Variants in DCAF5 observed in about 807,000 individuals in gnomAD.
The protein encoded by DCAF5 is DDB1- and CUL4-associated factor 5.
A neutral mutation model predicts 80.7 loss-of-function variants in DCAF5; 9 were observed. The ratio of observed to expected loss-of-function variants is 0.11; its 90% CI spans 0.07 to 0.19. DCAF5 has a LOEUF of 0.19. Ranked by LOEUF, DCAF5 falls within the 10% of genes least tolerant of loss-of-function variation. DCAF5 has a pLI of 1.00. For missense variants in DCAF5, 842 were observed against 1,205.7 expected (o/e 0.70, Z 4.47); for synonymous variants, 433 against 461.9 (o/e 0.94, Z 0.80).
intron 5 of DCAF5, among the ~76,000 whole-genome samples, chr14:69,113,660 C>G (rs961461159): frequency 1.3e-5 from 2 of 152,198 alleles, no homozygotes; most frequent in Non-Finnish European, 2.9e-5. Flanking sequence ...TATTGCAACT[C>G]AGCATAACTA....
At chr14:69,129,532 G>A (rs2040977776) in intron 1 of DCAF5, among the ~76,000 whole-genome samples, 1 of 152,226 alleles carries the variant, frequency 6.6e-6, no homozygotes, top group Non-Finnish European at 1.5e-5. Context: ...CAGTTCAGAC[G>A]CAAAAGCAGC....
In DCAF5 at chr14:69,110,876, C is replaced by CAAAA. The variant is rs35812611; in HGVS notation, c.665+5486_665+5489dup. Among the ~76,000 whole-genome samples the CAAAA allele has an allele frequency of 6.4e-4, 29 of 45,528 alleles. 2 individuals carry two copies. Among genetic ancestry groups the CAAAA allele is most frequent in the African/African-American group, 2.2e-3 (22 of 9,848 alleles). The allele number at this position is 45,528 out of a possible 152,430, so 29.9% of individuals were successfully genotyped here. On this transcript the variant is annotated intron_variant, in intron 5 of 8. Transcript: ENST00000341516. The stretch of plus-strand genomic sequence containing the variant: ...TGGGCAACAGACCAAGACCCTGTCT[C>CAAAA]AAAAAAAAAAAAAAAAAAAAAAAAA...
intron 8 of DCAF5, among the ~76,000 whole-genome samples, chr14:69,057,597 GA>G (rs1237098352): frequency 1.3e-5 from 2 of 152,202 alleles, no homozygotes; most frequent in Non-Finnish European, 2.9e-5. Flanking sequence ...CTTCAGGAAT[GA>G]AAGTCATAAC....
chr14:69,088,080 G>A (rs1018171895), intron 6 of DCAF5, among the ~76,000 whole-genome samples: 13 of 152,164 alleles, frequency 8.5e-5, no homozygotes, highest in Non-Finnish European at 1.8e-4. Context: ...ACGGGCTAAA[G>A]CTGTACAGAA....
In DCAF5 at chr14:69,055,742, A is replaced by G; in HGVS notation, c.1075-131T>C. 1 of 932,528 alleles carries G rather than the reference A, an allele frequency of 1.1e-6. No individual in the cohort carries two copies. Among genetic ancestry groups the G allele is most frequent in the East Asian group, 2.6e-5 (1 of 39,082 alleles). The allele number at this position is 932,528 out of a possible 1,614,324, so 57.8% of individuals were successfully genotyped here. A position where few individuals can be genotyped will look rare whatever the true frequency, so the allele number is the denominator to read the frequency against. The stretch of plus-strand genomic sequence containing the variant: ...TAATTTAACTAGGACTTGCTAACCA[A>G]CTTAAAAATAAGTTCTTTACCAGAC... On this transcript the variant is annotated intron_variant, in intron 8 of 8. Coordinates refer to ENST00000341516, the MANE Select transcript of DCAF5 (RefSeq NM_003861.3). This position sits in a 1 kb window ranked among gnomAD's most constrained non-coding sequence, Gnocchi z 5.6.
intron 5 of DCAF5, 131 bp from the exon 6 acceptor site, chr14:69,092,018 G>A (rs2039549497): frequency 1.4e-6 from 1 of 724,462 alleles, no homozygotes; most frequent in Non-Finnish European, 2.3e-6. Context: ...TCTGTGCAGT[G>A]GCTAGAATAA....
At chr14:69,087,399 G>A (rs1325402055) in intron 6 of DCAF5, among the ~76,000 whole-genome samples, 1 of 152,170 alleles carries the variant, frequency 6.6e-6, no homozygotes, top group Admixed American at 6.5e-5. Context: ...TAGCCTCCAA[G>A]GAAAGGAATG....
intron 1 of DCAF5, among the ~76,000 whole-genome samples, chr14:69,129,546 A>T (rs1317007425): frequency 6.6e-6 from 1 of 152,248 alleles, no homozygotes; most frequent in African/African-American, 2.4e-5. Flanking sequence ...AAGCAGCTCT[A>T]CAATTGTCTC....
At chr14:69,085,711 C>T (rs2039290759) in intron 6 of DCAF5, among the ~76,000 whole-genome samples, 1 of 152,086 alleles carries the variant, frequency 6.6e-6, no homozygotes, top group Non-Finnish European at 1.5e-5. Context: ...ATTTTTGTAC[C>T]TTTAAAAAAA....
intron 1 of DCAF5, among the ~76,000 whole-genome samples, chr14:69,130,542 G>T (rs974632859): frequency 1.1e-4 from 17 of 152,126 alleles, no homozygotes; most frequent in Non-Finnish European, 1.5e-4. Context: ...CCACTGAACA[G>T]TAAGTACACT....
chr14:69,148,198 G>C (rs913546140), intron 1 of DCAF5, among the ~76,000 whole-genome samples: 2 of 151,262 alleles, frequency 1.3e-5, no homozygotes, highest in Non-Finnish European at 2.9e-5. Flanking sequence ...GCAATTTAGA[G>C]TACTAGATGC....
At chr14:69,065,836 T>C (rs376432961) in intron 7 of DCAF5, among the ~76,000 whole-genome samples, 5 of 152,278 alleles carry the variant, frequency 3.3e-5, no homozygotes, top group Non-Finnish European at 5.9e-5. Context: ...TAGTATCAAA[T>C]TGGAAGGAGA....
intron 5 of DCAF5, among the ~76,000 whole-genome samples, chr14:69,115,231 G>A (rs2040505195): frequency 6.6e-6 from 1 of 152,140 alleles, no homozygotes; most frequent in Non-Finnish European, 1.5e-5. Context: ...GTAAAAGCAA[G>A]AGCCAGGTGC....
At chr14:69,120,051 G>A (rs1480413734) in intron 2 of DCAF5, among the ~76,000 whole-genome samples, 1 of 144,172 alleles carries the variant, frequency 6.9e-6, no homozygotes, top group Non-Finnish European at 1.6e-5. Context: ...TCTTTCTTTT[G>A]AGACAGGATC....
At chr14:69,090,113 A>G in intron 6 of DCAF5, 1 of 985,272 alleles carries the variant, frequency 1.0e-6, no homozygotes, top group Non-Finnish European at 1.2e-6. Context: ...ATTATTCAAC[A>G]AAACAAGAAT....
At chr14:69,120,803 C>T (rs2040695468) in intron 2 of DCAF5, among the ~76,000 whole-genome samples, 1 of 152,216 alleles carries the variant, frequency 6.6e-6, no homozygotes, top group Non-Finnish European at 1.5e-5. Context: ...TAAGATTCTA[C>T]TCTGTCCTTG....
In DCAF5 at chr14:69,051,983, G is replaced by A. The variant is rs988768613; in HGVS notation, c.*1874C>T. 6.6e-5 allele frequency: 10 copies of A among 152,538 alleles called. No individual in the cohort carries two copies. Among genetic ancestry groups the A allele is most frequent in the African/African-American group, 2.4e-4 (10 of 41,414 alleles). 9.4% of individuals were successfully genotyped at this position (152,538 alleles called of 1,614,324 possible). A position where few individuals can be genotyped will look rare whatever the true frequency, so the allele number is the denominator to read the frequency against. ...TGTGAATAGTCAAAGACAAATCATA[G>A]AACCAATCTGATTACAAATCCAAAG... On this transcript the variant is annotated 3_prime_UTR_variant, in exon 9 of 9. Coordinates refer to ENST00000341516, the MANE Select transcript of DCAF5 (RefSeq NM_003861.3).
At chr14:69,137,283 TTAAG>T (rs1288991759) in intron 1 of DCAF5, among the ~76,000 whole-genome samples, 1 of 152,134 alleles carries the variant, frequency 6.6e-6, no homozygotes, top group Non-Finnish European at 1.5e-5. Context: ...AGGAAAGTTA[TTAAG>T]TTAGTGGATG....
At position 69,121,861 on chromosome 14, in the gene DCAF5, C is replaced by T. The variant is rs187267644; in HGVS notation, c.358+356G>A. On this transcript the variant is annotated intron_variant, in intron 2 of 8. Coordinates refer to ENST00000341516, the MANE Select transcript of DCAF5 (RefSeq NM_003861.3). ...CCAGCATAATCTTTAAAAATGAAAT[C>T]GAATAGAATAAAAAAAAACCAGAGT... Among the ~76,000 whole-genome samples the T allele has an allele frequency of 7.9e-5, 12 of 151,898 alleles. No individual in the cohort carries two copies. The East Asian group carries it at 2.1e-3, about 27-fold the overall frequency.
Sources: allele counts gnomAD v4.1 joint callset (sites outside exome capture counted in the v4.1 genomes callset), GRCh38; gene constraint gnomAD v4.1.1; non-coding constraint Gnocchi (gnomAD v3.1); transcripts MANE v1.5; gene names NCBI Gene and HGNC (gene_info 2026-07-23, HGNC 2026-07-21).